The following RGS7 variants were observed in gnomAD, a reference collection of about 807,000 sequenced individuals.
RGS7 encodes the protein regulator of G protein signaling 7, also known as regulator of G-protein signaling 7.
A neutral mutation model predicts 81.1 loss-of-function variants in RGS7; 27 were observed. The observed-to-expected ratio is 0.33, with a 90% CI of 0.25 to 0.46. The LOEUF is 0.46. RGS7 is among the 20% of genes least tolerant of loss of function. RGS7 has a pLI of 1.00. For missense variants in RGS7, 396 were observed against 607.4 expected, an observed-to-expected ratio of 0.65 and a Z score of 3.66; for synonymous variants, 208 against 207.7, an observed-to-expected ratio of 1.00 and a Z score of -0.01.
intron 9 of RGS7, among the ~76,000 whole-genome samples, chr1:240,832,812 A>G (rs1694070371): frequency 6.6e-6 from 1 of 152,170 alleles, no homozygotes; most frequent in Admixed American, 6.5e-5. Flanking sequence ...TGATAGCAAG[A>G]CATCAAGTAC....
chr1:240,795,221 A>ATCACCAC (rs1686829086), intron 18 of RGS7, among the ~76,000 whole-genome samples: 1 of 150,940 alleles, frequency 6.6e-6, no homozygotes, highest in African/African-American at 2.4e-5. Context: ...ACCACCACCA[A>ATCACCAC]CAAAAATCAA....
rs562214134 is a variant in RGS7, at chr1:240,806,776, A to G, written c.1083-450T>C. ...CTCCAATTGGGAGATAAAGCTGTGC[A>G]TTACACTGTGTTCTTTGGATGTTCT... On this transcript the variant is annotated intron_variant, in intron 14 of 18. Transcript: ENST00000440928. Among the ~76,000 whole-genome samples, 21 of 152,168 alleles carry G rather than the reference A, an allele frequency of 1.4e-4. 1 individual carries two copies. The South Asian group carries it at 4.4e-3, about 32-fold the overall frequency.
intron 9 of RGS7, among the ~76,000 whole-genome samples, chr1:240,834,597 G>A (rs1433213381): frequency 2.6e-5 from 4 of 152,054 alleles, no homozygotes; most frequent in African/African-American, 7.2e-5. Context: ...TGCAAGCTCC[G>A]CCTCCCGGGT....
At chr1:241,290,230 G>A (rs557742775) in intron 2 of RGS7, among the ~76,000 whole-genome samples, 1 of 152,310 alleles carries the variant, frequency 6.6e-6, no homozygotes, top group East Asian at 1.9e-4. Flanking sequence ...AGATGATCAG[G>A]AGGAAAAACA....
chr1:241,199,890 G>A (rs2073369575), intron 2 of RGS7, among the ~76,000 whole-genome samples: 1 of 152,182 alleles, frequency 6.6e-6, no homozygotes, highest in South Asian at 2.1e-4. Context: ...TGTACTGCCT[G>A]CTAGCTGTAG....
intron 6 of RGS7, among the ~76,000 whole-genome samples, chr1:240,911,799 A>T (rs572565195): frequency 7.2e-5 from 11 of 152,142 alleles, no homozygotes; most frequent in African/African-American, 2.6e-4. Flanking sequence ...CAGGTCCTCT[A>T]TCTATCTGAC....
At position 240,829,778 on chromosome 1, in the gene RGS7, T is replaced by C. The variant is rs977734556; in HGVS notation, c.610-2606A>G. On this transcript the variant is annotated intron_variant, in intron 9 of 18. Coordinates refer to ENST00000440928, the MANE Select transcript of RGS7 (RefSeq NM_001364886.1). ...AGCCACCACACTCCAGCCTGGGTGA[T>C]AGGGTGAGATTCTGTCTCTCTCTGT... 4.6e-5 allele frequency among the ~76,000 whole-genome samples: 7 copies of C among 152,104 alleles called. No homozygotes were observed. In the East Asian group the frequency reaches 1.4e-3, roughly 29 times the overall value.
intron 2 of RGS7, among the ~76,000 whole-genome samples, chr1:241,165,797 A>T (rs4660033): frequency 0.95 from 141,221 of 148,404 alleles, 67,253 homozygotes; most frequent in South Asian, 1. Context: ...AAAAAAAAAA[A>T]AAAACCAGCC....
chr1:241,205,239 A>C (rs2073799396), intron 2 of RGS7, among the ~76,000 whole-genome samples: 1 of 147,352 alleles, frequency 6.8e-6, no homozygotes, highest in Non-Finnish European at 1.5e-5. Context: ...CACCACGCCC[A>C]GCTAATTTTT....
At chr1:240,901,933 T>G (rs1670081179) in intron 6 of RGS7, among the ~76,000 whole-genome samples, 1 of 152,266 alleles carries the variant, frequency 6.6e-6, no homozygotes, top group Non-Finnish European at 1.5e-5. Context: ...TGTTACATTT[T>G]TAGCTACCAT....
At chr1:241,011,999 G>A (rs531551537) in intron 3 of RGS7, among the ~76,000 whole-genome samples, 5 of 151,996 alleles carry the variant, frequency 3.3e-5, no homozygotes, top group East Asian at 3.9e-4. Context: ...TTTGCTTTGC[G>A]CTGTGGTCTT....
chr1:241,227,540 C>A (rs12562627), intron 2 of RGS7, among the ~76,000 whole-genome samples: 1 of 139,458 alleles, frequency 7.2e-6, no homozygotes, highest in East Asian at 2.1e-4. Context: ...CAAAGCCAGC[C>A]TGGGACACAC....
chr1:241,194,123 C>G (rs2072889695), intron 2 of RGS7, among the ~76,000 whole-genome samples: 1 of 152,216 alleles, frequency 6.6e-6, no homozygotes, highest in East Asian at 1.9e-4. Context: ...TTTATTTCAC[C>G]TACACCAAAC....
chr1:240,944,037 G>C (rs941911618), intron 4 of RGS7, among the ~76,000 whole-genome samples: 2 of 151,932 alleles, frequency 1.3e-5, no homozygotes, highest in African/African-American at 4.8e-5. Flanking sequence ...TACACACACA[G>C]AGTAGACCAG....
intron 9 of RGS7, among the ~76,000 whole-genome samples, chr1:240,838,518 G>A (rs1270438704): frequency 6.6e-6 from 1 of 152,168 alleles, no homozygotes; most frequent in Non-Finnish European, 1.5e-5. Flanking sequence ...ATACTCTGTT[G>A]CATTCAACTT....
rs1385137634 is a variant in RGS7, at chr1:241,194,348, T to C, written c.79-95586A>G. Among the ~76,000 whole-genome samples, 3 of 152,228 alleles carry C rather than the reference T, an allele frequency of 2.0e-5. No individual in the cohort carries two copies. In the South Asian group the frequency reaches 6.2e-4, roughly 31 times the overall value. ...GACATTCAACTGAAATATAATTTTT[T>C]AAAGAATTTTATCAGTATAATAGAC... is the stretch of plus-strand genomic sequence containing the variant. On this transcript the variant is annotated intron_variant, in intron 2 of 18. Coordinates refer to ENST00000440928, the MANE Select transcript of RGS7 (RefSeq NM_001364886.1).
At chr1:241,006,151 T>C (rs145484735) in intron 3 of RGS7, among the ~76,000 whole-genome samples, 1 of 152,282 alleles carries the variant, frequency 6.6e-6, no homozygotes, top group African/African-American at 2.4e-5. Context: ...TAAAACTGTA[T>C]CAATAATTCT....
intron 6 of RGS7, among the ~76,000 whole-genome samples, chr1:240,925,475 G>T (rs1372808970): frequency 6.6e-6 from 1 of 152,172 alleles, no homozygotes; most frequent in Non-Finnish European, 1.5e-5. Context: ...TTTCATGGCT[G>T]TGTAGTATTC....
intron 2 of RGS7, among the ~76,000 whole-genome samples, chr1:241,137,611 C>T (rs553806797): frequency 6.6e-6 from 1 of 152,288 alleles, no homozygotes; most frequent in African/African-American, 2.4e-5. Context: ...ACATTAGGCT[C>T]AATTCAGGAT....
Sources: gnomAD v4.1 joint callset for allele counts (sites outside exome capture counted in the v4.1 genomes callset) on GRCh38, gnomAD v4.1.1 for gene constraint, MANE v1.5 for transcripts, NCBI Gene and HGNC (gene_info 2026-07-23, HGNC 2026-07-21) for gene names.